Variants in THRB observed in about 807,000 individuals in gnomAD.
THRB encodes nuclear receptor subfamily 1 group A member 2.
THRB carries 12 observed loss-of-function variants against 47.8 expected under a neutral mutation model. That is an observed-to-expected ratio of 0.25 (90% CI 0.16 to 0.41). THRB has a LOEUF of 0.41. Among genes scored for constraint, THRB ranks in the 10% least tolerant of loss-of-function variants. The probability of loss-of-function intolerance (pLI) is 1.00; values close to 1 mark genes in which losing one functional copy is unlikely to be tolerated. For missense variants in THRB, 348 were observed against 589.2 expected (o/e 0.59, Z 4.24); for synonymous variants, 218 against 212.2 (o/e 1.03, Z -0.24).
rs574315917 is a variant in THRB at position 24,140,633 on chromosome 3, C to T, written c.738+2868G>A. Among the ~76,000 whole-genome samples, 6 of 152,198 alleles carry T rather than the reference C, an allele frequency of 3.9e-5. No individual in the cohort carries two copies. In the East Asian group the frequency reaches 9.6e-4, roughly 24 times the overall value. ...GAGAGACCAGGTGGCTTCCCTCCCC[C>T]AAGGTACCCAAGTGGAAGCTGCAAG... is the stretch of plus-strand genomic sequence containing the variant. On this transcript the variant is annotated intron_variant, in intron 8 of 10. Coordinates refer to ENST00000646209, the MANE Select transcript of THRB (RefSeq NM_001354712.2).
chr3:24,122,670 G>A lies in THRB; in HGVS notation c.*214C>T. On this transcript the variant is annotated 3_prime_UTR_variant, in exon 11 of 11. Coordinates refer to ENST00000646209, the MANE Select transcript of THRB (RefSeq NM_001354712.2). ...CCTCCACAACCATAAAACCTTCAGA[G>A]CATTCACATCACAGGACCGGAGAAC... 2 of 623,434 alleles carry A rather than the reference G, an allele frequency of 3.2e-6. No individual in the cohort carries two copies. The highest frequency in any genetic ancestry group is 5.6e-6 in the Non-Finnish European group (2 of 360,204). 38.6% of individuals were successfully genotyped at this position (623,434 alleles called of 1,614,324 possible).
At chr3:24,238,269 G>A (rs1285255042) in intron 3 of THRB, among the ~76,000 whole-genome samples, 2 of 28,966 alleles carry the variant, frequency 6.9e-5, no homozygotes, top group Admixed American at 2.5e-4. Context: ...GTGTATGTGT[G>A]TGTGTGTGTG....
intron 1 of THRB, among the ~76,000 whole-genome samples, chr3:24,464,243 CA>C (rs765631130): frequency 0.052 from 3,893 of 74,408 alleles, 178 homozygotes; most frequent in African/African-American, 0.16. Context: ...GACTCCGTCT[CA>C]AAAAAAAAAA....
rs185259825 is a variant in THRB, at chr3:24,375,793, C to A, written c.-260-38422G>T. On this transcript the variant is annotated intron_variant, in intron 1 of 10. Coordinates refer to ENST00000646209, the MANE Select transcript of THRB (RefSeq NM_001354712.2). ...TTGAGGTCTGCTGGAATTTGATTTT[C>A]TTTTCTTTTCTTTTCTTTTTTGAAT... Among the ~76,000 whole-genome samples the A allele has an allele frequency of 7.9e-3, 1,149 of 145,872 alleles. 7 individuals are homozygous for A. Among genetic ancestry groups the A allele is most frequent in the Non-Finnish European group, 0.012 (818 of 67,856 alleles).
chr3:24,409,956 C>T (rs2068145532), intron 1 of THRB, among the ~76,000 whole-genome samples: 1 of 151,758 alleles, frequency 6.6e-6, no homozygotes, highest in African/African-American at 2.4e-5. Context: ...TTAAGCAGAC[C>T]TTTGATGAGG....
intron 3 of THRB, among the ~76,000 whole-genome samples, chr3:24,255,640 A>G (rs997685784): frequency 6.6e-6 from 1 of 152,140 alleles, no homozygotes; most frequent in African/African-American, 2.4e-5. Flanking sequence ...GGGAAGGGCA[A>G]TCCCATGTGT....
chr3:24,402,651 T>C (rs1375190652), intron 1 of THRB, among the ~76,000 whole-genome samples: 4 of 151,982 alleles, frequency 2.6e-5, no homozygotes, highest in Non-Finnish European at 5.9e-5. Flanking sequence ...AATGACTACA[T>C]TATCATCAAC....
chr3:24,365,372 G>A (rs73043760), intron 1 of THRB, among the ~76,000 whole-genome samples: 1 of 152,128 alleles, frequency 6.6e-6, no homozygotes. Context: ...AGAATCTCCA[G>A]CCAACTTCGT....
intron 3 of THRB, among the ~76,000 whole-genome samples, chr3:24,268,670 T>C (rs1342405970): frequency 6.6e-6 from 1 of 152,204 alleles, no homozygotes; most frequent in Non-Finnish European, 1.5e-5. Flanking sequence ...CCTTCCTTTC[T>C]CCTTGTTTTC....
In THRB at chr3:24,118,010, C is replaced by G. The variant is rs2030967606; in HGVS notation, c.*4874G>C. 2 of 152,140 alleles carry G rather than the reference C, an allele frequency of 1.3e-5. No individual in the cohort carries two copies. Among genetic ancestry groups the G allele is most frequent in the Admixed American group, 1.3e-4 (2 of 15,268 alleles). The allele number at this position is 152,140 out of a possible 1,614,324, so 9.4% of individuals were successfully genotyped here. On this transcript the variant is annotated 3_prime_UTR_variant, in exon 11 of 11. Coordinates refer to ENST00000646209, the MANE Select transcript of THRB (RefSeq NM_001354712.2). Reference sequence around the variant, plus strand: ...TGGCCCCTTCCAAAGAGGTAACCCCCCATCAGCATTTTACTTAGTTTCTTC... The same window carrying G: ...TGGCCCCTTCCAAAGAGGTAACCCCGCATCAGCATTTTACTTAGTTTCTTC...
At chr3:24,471,259 T>C (rs112850786) in intron 1 of THRB, among the ~76,000 whole-genome samples, 135 of 152,324 alleles carry the variant, frequency 8.9e-4, no homozygotes, top group Admixed American at 1.5e-3. Context: ...AGTTCCACCC[T>C]AGACTGACTG....
At chr3:24,201,751 C>T (rs1377231844) in intron 4 of THRB, among the ~76,000 whole-genome samples, 1 of 152,040 alleles carries the variant, frequency 6.6e-6, no homozygotes, top group East Asian at 1.9e-4. Context: ...TCTTTATTTC[C>T]TAAGTGGTTA....
intron 3 of THRB, among the ~76,000 whole-genome samples, chr3:24,274,043 CCT>C (rs760801931): frequency 1.3e-5 from 2 of 152,088 alleles, no homozygotes; most frequent in Non-Finnish European, 2.9e-5. Flanking sequence ...GATTGTCAAT[CCT>C]CTATTTTTTT....
intron 5 of THRB, among the ~76,000 whole-genome samples, chr3:24,174,886 A>G (rs944350960): frequency 2.6e-5 from 4 of 152,208 alleles, no homozygotes; most frequent in Admixed American, 6.5e-5. Flanking sequence ...CATAAGACTG[A>G]TAAGTGGTAT....
At chr3:24,272,855 T>C (rs1391810698) in intron 3 of THRB, among the ~76,000 whole-genome samples, 1 of 152,204 alleles carries the variant, frequency 6.6e-6, no homozygotes, top group Non-Finnish European at 1.5e-5. Flanking sequence ...CTATGGTCTT[T>C]CCTCCTATTA....
At position 24,134,604 on chromosome 3, in the gene THRB, C is replaced by T. The variant is rs149016617; in HGVS notation, c.739-1142G>A. On this transcript the variant is annotated intron_variant, in intron 8 of 10. Transcript: ENST00000646209. The stretch of plus-strand genomic sequence containing the variant: ...ACACAGCAGTCTCCCCGGAGCTCCA[C>T]ACCTCCTCACCCCTACTTCAAGGCT... 1.8e-3 allele frequency among the ~76,000 whole-genome samples: 275 copies of T among 152,304 alleles called. 2 individuals are homozygous for T. Among genetic ancestry groups the T allele is most frequent in the African/African-American group, 6.1e-3 (254 of 41,572 alleles).
intron 1 of THRB, among the ~76,000 whole-genome samples, chr3:24,491,408 T>C (rs1263060101): frequency 6.6e-6 from 1 of 152,202 alleles, no homozygotes; most frequent in African/African-American, 2.4e-5. Flanking sequence ...TGAAGATGAC[T>C]CCTTTGATAT....
intron 3 of THRB, among the ~76,000 whole-genome samples, chr3:24,292,578 G>A (rs1559851048): frequency 6.6e-6 from 1 of 152,102 alleles, no homozygotes; most frequent in Non-Finnish European, 1.5e-5. Context: ...CTGGCTCGAC[G>A]TTAAGCTTCC....
intron 4 of THRB, among the ~76,000 whole-genome samples, chr3:24,194,701 A>T (rs1002914185): frequency 5.9e-5 from 9 of 152,228 alleles, no homozygotes; most frequent in Admixed American, 6.5e-5. Context: ...CATAAATCGC[A>T]TTAACATAAC....
Sources: allele counts gnomAD v4.1 joint callset (sites outside exome capture counted in the v4.1 genomes callset), GRCh38; gene constraint gnomAD v4.1.1; transcripts MANE v1.5; gene names NCBI Gene and HGNC (gene_info 2026-07-23, HGNC 2026-07-21).